GNB1L: variants seen among roughly 807,000 people sequenced by gnomAD.
GNB1L encodes G protein subunit beta 1 like.
GNB1L carries 20 observed loss-of-function variants against 29.1 expected under a neutral mutation model. The ratio of observed to expected loss-of-function variants is 0.69; its 90% CI spans 0.48 to 1.00. The LOEUF is 1.00. GNB1L is among the 50% of genes least tolerant of loss of function. The probability of loss-of-function intolerance (pLI) is 0.00; values close to 1 mark genes in which losing one functional copy is unlikely to be tolerated. For synonymous variants in GNB1L, 193 were observed against 206.5 expected (o/e 0.93, Z 0.56); for missense variants, 421 against 464.9 (o/e 0.91, Z 0.87).
chr22:19,824,352 G>T (rs530133738), intron 2 of GNB1L, among the ~76,000 whole-genome samples: 1 of 152,304 alleles, frequency 6.6e-6, no homozygotes, highest in Admixed American at 6.5e-5. Context: ...CCTTGCGCAA[G>T]GCCCGTGTGC....
chr22:19,797,751 C>A (rs1385390421), intron 7 of GNB1L, among the ~76,000 whole-genome samples: 1 of 152,220 alleles, frequency 6.6e-6, no homozygotes, highest in Non-Finnish European at 1.5e-5. Context: ...AAGGCCAAGC[C>A]CCTGCAAGCC....
At chr22:19,818,564 G>C (rs778120462) in intron 4 of GNB1L, among the ~76,000 whole-genome samples, 2 of 152,252 alleles carry the variant, frequency 1.3e-5, no homozygotes, top group Non-Finnish European at 2.9e-5. Flanking sequence ...CCATCTCCCA[G>C]GTGGTAGGCA....
intron 7 of GNB1L, chr22:19,792,310 A>C: frequency 1.2e-6 from 1 of 814,924 alleles, no homozygotes; most frequent in Non-Finnish European, 2.1e-6. Context: ...AAAGGAAAGA[A>C]GGCCAAGGGA....
chr22:19,804,935 T>C (rs1013738504), intron 6 of GNB1L, among the ~76,000 whole-genome samples: 7 of 152,226 alleles, frequency 4.6e-5, no homozygotes, highest in Non-Finnish European at 1.0e-4. Context: ...CCCCAGGACC[T>C]GGATGCCCTG....
chr22:19,820,683 G>A lies in GNB1L; in HGVS notation c.169C>T (p.Arg57Trp), dbSNP rs138225912. 4.1e-5 allele frequency: 66 copies of A among 1,613,556 alleles called. No homozygotes were observed. Among genetic ancestry groups the A allele is most frequent in the Middle Eastern group, 3.3e-4 (2 of 6,080 alleles). Residue 57 changes from arginine (R) to tryptophan (W), a missense_variant, in exon 4 of 8, where the codon CGG becomes TGG. Arg to Trp is a moderately radical substitution (Grantham distance 101). Transcript: ENST00000329517. ...GLVHIWSLQT[R>W]RAVTTLDGHG... ...CCATCCAGGGTGGTAACCGCTCTCC[G>A]CGTCTGCAGGCTCCAGATGTGTACC...
chr22:19,821,446 C>G, intron 2 of GNB1L, 71 bp from the exon 3 acceptor site: 1 of 1,459,430 alleles, frequency 6.9e-7, no homozygotes, highest in Admixed American at 1.8e-5. Context: ...TGCTCAGGCA[C>G]AGGGGTGCTT....
intron 2 of GNB1L, among the ~76,000 whole-genome samples, chr22:19,821,672 G>A (rs976847716): frequency 2.0e-5 from 3 of 152,212 alleles, no homozygotes; most frequent in Non-Finnish European, 4.4e-5. Flanking sequence ...CGTGCCTGTT[G>A]GCCTCTGCAC....
chr22:19,847,772 A>T, intron 2 of GNB1L: 1 of 924,760 alleles, frequency 1.1e-6, no homozygotes. Context: ...AACTCTGGGC[A>T]TCTAAAACTT....
At chr22:19,838,706 G>A (rs1041522908) in intron 2 of GNB1L, among the ~76,000 whole-genome samples, 101 of 152,168 alleles carry the variant, frequency 6.6e-4, no homozygotes, top group Admixed American at 2.6e-3. Flanking sequence ...TGATCCACCC[G>A]CCTTGGCCTC....
chr22:19,852,139 G>A (rs1938120724), intron 2 of GNB1L: 2 of 1,614,174 alleles, frequency 1.2e-6, no homozygotes, highest in African/African-American at 1.3e-5. Flanking sequence ...GATCCACAAG[G>A]GGGGTGTATG....
intron 2 of GNB1L, chr22:19,852,408 A>G (rs1938130070): frequency 2.4e-6 from 2 of 822,380 alleles, no homozygotes; most frequent in Non-Finnish European, 1.9e-6. Context: ...GCTGAGGATC[A>G]GGGAGCTGAC....
intron 7 of GNB1L, among the ~76,000 whole-genome samples, chr22:19,798,556 G>A (rs898600409): frequency 6.6e-6 from 1 of 152,166 alleles, no homozygotes; most frequent in African/African-American, 2.4e-5. Context: ...GGAGGTTTCC[G>A]TAGAAGTCCT....
chr22:19,820,098 G>A (rs1300336200), intron 4 of GNB1L, among the ~76,000 whole-genome samples: 5 of 152,240 alleles, frequency 3.3e-5, no homozygotes, highest in South Asian at 2.1e-4. Context: ...CACCGGCACC[G>A]TGTGTGACCT....
chr22:19,797,364 C>T (rs1393127040), intron 7 of GNB1L, among the ~76,000 whole-genome samples: 4 of 152,074 alleles, frequency 2.6e-5, no homozygotes. Flanking sequence ...GGGGTGCAGG[C>T]GGTGATTTCA....
In GNB1L at chr22:19,853,245, C is replaced by G. The variant is rs569246632; in HGVS notation, c.-21+1198G>C. 8.8e-5 allele frequency among the ~76,000 whole-genome samples: 13 copies of G among 148,502 alleles called. No homozygotes were observed. The East Asian group carries it at 2.5e-3, about 29-fold the overall frequency. On this transcript the variant is annotated intron_variant, in intron 2 of 7. Coordinates refer to ENST00000329517, the MANE Select transcript of GNB1L (RefSeq NM_053004.3). ...TCCCAGCCCCCACCATTGTAAAATC[C>G]TGGAACCCCACTTGCTGTCTGCTCC...
chr22:19,795,311 A>G (rs1937293830), intron 7 of GNB1L, among the ~76,000 whole-genome samples: 1 of 152,220 alleles, frequency 6.6e-6, no homozygotes, highest in Non-Finnish European at 1.5e-5. Flanking sequence ...AATCACAGTT[A>G]AAGATTTTAA....
At position 19,795,343 on chromosome 22, in the gene GNB1L, T is replaced by TA. The variant is rs368068225; in HGVS notation, c.733-6384dup. 2.1e-3 allele frequency among the ~76,000 whole-genome samples: 314 copies of TA among 147,224 alleles called. 1 individual carries two copies. Among genetic ancestry groups the TA allele is most frequent in the East Asian group, 5.8e-3 (29 of 5,036 alleles). On this transcript the variant is annotated intron_variant, in intron 7 of 7. Transcript: ENST00000329517. ...TTAAGAGCCTTCTCTGCGTAACTGG[T>TA]AAAAAAAAAACAAAACTAGACCAAA...
At chr22:19,820,296 G>A (rs567595477) in intron 4 of GNB1L, among the ~76,000 whole-genome samples, 3 of 152,112 alleles carry the variant, frequency 2.0e-5, no homozygotes, top group Non-Finnish European at 4.4e-5. Flanking sequence ...ACCAACTTGC[G>A]CCTGGGCTCA....
intron 2 of GNB1L, chr22:19,850,407 G>A: frequency 1.0e-6 from 1 of 990,930 alleles, no homozygotes; most frequent in Non-Finnish European, 1.2e-6. Flanking sequence ...GGAGTGAGCA[G>A]GGGATGGCAG....
Sources: gnomAD v4.1 joint callset for allele counts (sites outside exome capture counted in the v4.1 genomes callset) on GRCh38, gnomAD v4.1.1 for gene constraint, MANE v1.5 for transcripts, NCBI Gene and HGNC (gene_info 2026-07-23, HGNC 2026-07-21) for gene names.